The following MAP2 variants were observed in gnomAD, a reference collection of about 807,000 sequenced individuals.
The protein encoded by MAP2 is microtubule-associated protein 2.
MAP2 carries 14 observed loss-of-function variants against 137.6 expected under a neutral mutation model. That is an observed-to-expected ratio of 0.10 (90% CI 0.07 to 0.16). MAP2 has a LOEUF of 0.16. MAP2 is among the 10% of genes least tolerant of loss of function. The pLI is 1.00. For missense variants in MAP2, 2,088 were observed against 2,191.5 expected (o/e 0.95, Z 0.94); for synonymous variants, 786 against 782.3 (o/e 1.00, Z -0.08).
At chr2:209,565,397 T>G (rs1224182038) in intron 2 of MAP2, among the ~76,000 whole-genome samples, 2 of 151,992 alleles carry the variant, frequency 1.3e-5, no homozygotes, top group African/African-American at 2.4e-5. Flanking sequence ...TTTTTTTAAT[T>G]TTTGTAGAAA....
At chr2:209,504,408 CAAG>C (rs1024524025) in intron 1 of MAP2, among the ~76,000 whole-genome samples, 1 of 152,134 alleles carries the variant, frequency 6.6e-6, no homozygotes, top group Non-Finnish European at 1.5e-5. Flanking sequence ...GAGCAATTAG[CAAG>C]AAGTAGCTAT....
intron 5 of MAP2, among the ~76,000 whole-genome samples, chr2:209,677,399 T>TAGAC (rs1400257267): frequency 1.3e-4 from 18 of 137,480 alleles, no homozygotes; most frequent in African/African-American, 4.8e-4. Flanking sequence ...GATAGATAGA[T>TAGAC]AGATAGACAG....
At position 209,645,810 on chromosome 2, in the gene MAP2, A is replaced by G. The variant is rs371139098; in HGVS notation, c.-29-7332A>G. 3.8e-4 allele frequency among the ~76,000 whole-genome samples: 58 copies of G among 152,354 alleles called. No homozygotes were observed. In the East Asian group the frequency reaches 9.6e-3, roughly 25 times the overall value. ...GTACTCAGGACTTAGAATAAAGTAA[A>G]TACTGCATTAAGCATTAAAATTCTT... On this transcript the variant is annotated intron_variant, in intron 4 of 15. Transcript: ENST00000682079.
intron 2 of MAP2, among the ~76,000 whole-genome samples, chr2:209,540,069 C>G (rs1040747200): frequency 1.6e-5 from 2 of 123,486 alleles, no homozygotes; most frequent in Non-Finnish European, 3.1e-5. Context: ...CCAGTACACT[C>G]GAGACTGGGT....
rs201382010 is a variant in MAP2, at chr2:209,695,298, A to G, written c.3128A>G (p.Gln1043Arg). The change falls in exon 8 of 16, where the codon CAG becomes CGG. Residue 1043 changes from glutamine (Q) to arginine (R), a missense_variant. Transcript: ENST00000682079. Reference sequence around the variant, plus strand: ...GAACAAGGTCTGGATTTTGCTGTCCAGGGTCAACTAGATGTTAAAATTAGT... The same window carrying G: ...GAACAAGGTCTGGATTTTGCTGTCCGGGGTCAACTAGATGTTAAAATTAGT... ...KVEQGLDFAV[Q>R]GQLDVKISDF... 2.5e-6 allele frequency: 4 copies of G among 1,613,928 alleles called. No individual in the cohort carries two copies. The highest frequency in any genetic ancestry group is 3.4e-6 in the Non-Finnish European group (4 of 1,179,996).
At chr2:209,615,690 C>T (rs1469221269) in intron 3 of MAP2, among the ~76,000 whole-genome samples, 3 of 152,072 alleles carry the variant, frequency 2.0e-5, no homozygotes, top group African/African-American at 2.4e-5. Flanking sequence ...CCCGGTGAAA[C>T]GCCACCTCCA....
At chr2:209,702,057 G>T (rs1365478596) in intron 11 of MAP2, among the ~76,000 whole-genome samples, 1 of 152,026 alleles carries the variant, frequency 6.6e-6, no homozygotes, top group Non-Finnish European at 1.5e-5. Flanking sequence ...TTTAATAAAT[G>T]GTAATAGTTG....
At chr2:209,546,679 C>T (rs1340336791) in intron 2 of MAP2, among the ~76,000 whole-genome samples, 9 of 152,152 alleles carry the variant, frequency 5.9e-5, no homozygotes, top group Non-Finnish European at 2.9e-5. Flanking sequence ...GTCACTTTCC[C>T]TTAGGAGTAA....
chr2:209,601,419 G>C lies in MAP2; in HGVS notation c.-107+21319G>C, dbSNP rs144010292. Among the ~76,000 whole-genome samples the C allele has an allele frequency of 8.6e-5, 13 of 151,600 alleles. No homozygotes were observed. In the East Asian group the frequency reaches 2.5e-3, roughly 30 times the overall value. ...ACTCCAACCATATTTCACACTTTAGGCATGTGAATTTTTTAACTAGAGAGA... is the reference window on the plus strand; with the variant it reads ...ACTCCAACCATATTTCACACTTTAGCCATGTGAATTTTTTAACTAGAGAGA... On this transcript the variant is annotated intron_variant, in intron 3 of 15. Transcript: ENST00000682079.
chr2:209,546,437 G>T (rs1284861223), intron 2 of MAP2, among the ~76,000 whole-genome samples: 1 of 152,152 alleles, frequency 6.6e-6, no homozygotes, highest in Non-Finnish European at 1.5e-5. Flanking sequence ...TATCAATATT[G>T]TCATAGAGAT....
intron 13 of MAP2, among the ~76,000 whole-genome samples, chr2:209,712,956 G>A (rs560293887): frequency 1.3e-5 from 2 of 152,186 alleles, no homozygotes; most frequent in East Asian, 1.9e-4. Context: ...GTTGGCCAAC[G>A]CAGAAACATT....
At chr2:209,610,844 A>C (rs1391532839) in intron 3 of MAP2, among the ~76,000 whole-genome samples, 1 of 152,184 alleles carries the variant, frequency 6.6e-6, no homozygotes, top group East Asian at 1.9e-4. Context: ...TCTTTAGCCT[A>C]AGTGCTTTTG....
chr2:209,463,559 A>G (rs1703392741), intron 1 of MAP2, among the ~76,000 whole-genome samples: 1 of 152,176 alleles, frequency 6.6e-6, no homozygotes, highest in South Asian at 2.1e-4. Context: ...TAGTAATTAT[A>G]ATTCTTATAT....
chr2:209,547,073 T>TTA (rs976046438), intron 2 of MAP2, among the ~76,000 whole-genome samples: 6 of 152,238 alleles, frequency 3.9e-5, no homozygotes, highest in East Asian at 3.9e-4. Context: ...ATTGCTCCAA[T>TTA]TATATATATA....
chr2:209,678,514 C>T, intron 5 of MAP2, 58 bp from the exon 6 acceptor site: 4 of 854,986 alleles, frequency 4.7e-6, no homozygotes, highest in Non-Finnish European at 7.2e-6. Context: ...GTTACTTTTC[C>T]TCTTTGCTTT....
intron 1 of MAP2, among the ~76,000 whole-genome samples, chr2:209,493,367 T>C (rs1236353369): frequency 6.6e-6 from 1 of 152,176 alleles, no homozygotes; most frequent in Non-Finnish European, 1.5e-5. Flanking sequence ...GACATAGGCA[T>C]GGGCAAAGAC....
chr2:209,433,600 A>G (rs1574683379), intron 1 of MAP2, among the ~76,000 whole-genome samples: 1 of 152,130 alleles, frequency 6.6e-6, no homozygotes, highest in South Asian at 2.1e-4. Flanking sequence ...GCTTTCAAAG[A>G]TTAATTATAT....
At chr2:209,598,538 G>A (rs1239535367) in intron 3 of MAP2, among the ~76,000 whole-genome samples, 1 of 148,370 alleles carries the variant, frequency 6.7e-6, no homozygotes, top group Non-Finnish European at 1.5e-5. Flanking sequence ...ATGCTGGTGC[G>A]CTGCACCCAC....
At chr2:209,464,567 A>C (rs1456597864) in intron 1 of MAP2, among the ~76,000 whole-genome samples, 1 of 152,130 alleles carries the variant, frequency 6.6e-6, no homozygotes, top group Admixed American at 6.5e-5. Context: ...GCTGGAAAAC[A>C]GTGATATTAC....
Sources: gnomAD v4.1 joint callset for allele counts (sites outside exome capture counted in the v4.1 genomes callset) on GRCh38, gnomAD v4.1.1 for gene constraint, MANE v1.5 for transcripts, NCBI Gene and HGNC (gene_info 2026-07-23, HGNC 2026-07-21) for gene names.